Variants in FOXP2 observed in about 807,000 individuals in gnomAD.
FOXP2 encodes the protein forkhead box P2, also known as forkhead box protein P2.
FOXP2 carries 12 observed loss-of-function variants against 115.8 expected under a neutral mutation model. The ratio of observed to expected loss-of-function variants is 0.10; its 90% CI spans 0.07 to 0.17. FOXP2 has a LOEUF of 0.17. FOXP2 is among the 10% of genes least tolerant of loss of function. The pLI, the probability that FOXP2 is intolerant of heterozygous loss-of-function variation, is 1.00. For missense variants in FOXP2, 629 were observed against 843.5 expected (o/e 0.75, Z 3.15); for synonymous variants, 328 against 297.7 (o/e 1.10, Z -1.05).
At chr7:114,149,352 A>G (rs894180801) in intron 1 of FOXP2, among the ~76,000 whole-genome samples, 1 of 152,098 alleles carries the variant, frequency 6.6e-6, no homozygotes, top group Admixed American at 6.6e-5. Context: ...ATTATAAATA[A>G]TTGCCCAATA....
At chr7:114,567,858 G>A (rs1043504780) in intron 3 of FOXP2, among the ~76,000 whole-genome samples, 2 of 151,962 alleles carry the variant, frequency 1.3e-5, no homozygotes, top group African/African-American at 2.4e-5. Flanking sequence ...GAAGAAACTG[G>A]GTGGGGTTTT....
At chr7:114,323,804 T>C (rs889813224) in intron 2 of FOXP2, among the ~76,000 whole-genome samples, 1 of 152,020 alleles carries the variant, frequency 6.6e-6, no homozygotes, top group African/African-American at 2.4e-5. Context: ...TTTTTAGATT[T>C]TGTCTTTAGC....
At chr7:114,465,257 G>A (rs550043748) in intron 2 of FOXP2, among the ~76,000 whole-genome samples, 5 of 152,244 alleles carry the variant, frequency 3.3e-5, no homozygotes, top group South Asian at 2.1e-4. Context: ...GAGCCACAAC[G>A]TCTAGCCTTT....
intron 2 of FOXP2, among the ~76,000 whole-genome samples, chr7:114,401,159 G>T (rs1452051331): frequency 6.6e-6 from 1 of 152,084 alleles, no homozygotes; most frequent in Admixed American, 6.5e-5. Context: ...GGTTTTACAA[G>T]GGCTTGCACA....
At chr7:114,241,240 T>C (rs1279224494) in intron 1 of FOXP2, among the ~76,000 whole-genome samples, 1 of 152,130 alleles carries the variant, frequency 6.6e-6, no homozygotes, top group Admixed American at 6.5e-5. Flanking sequence ...GCTTTCATTC[T>C]AATTTGATAG....
In FOXP2 at chr7:114,156,525, G is replaced by A. The variant is rs1037514604; in HGVS notation, c.-246-6419G>A. Among the ~76,000 whole-genome samples the A allele has an allele frequency of 9.9e-5, 15 of 151,964 alleles. No homozygotes were observed. In the East Asian group the frequency reaches 1.2e-3, roughly 12 times the overall value. ...AAATCTTTGAATCCACCTATGACCG[G>A]GAGACCCATTCCCACTTTGTGTTGT... On this transcript the variant is annotated intron_variant, in intron 1 of 19. Coordinates refer to the FOXP2 transcript ENST00000635638.
At chr7:114,234,290 G>A (rs1794955954) in intron 1 of FOXP2, among the ~76,000 whole-genome samples, 1 of 152,172 alleles carries the variant, frequency 6.6e-6, no homozygotes, top group Non-Finnish European at 1.5e-5. Context: ...GCATCTACCA[G>A]CAGGGTTAAG....
At chr7:114,146,365 A>C (rs978624751) in intron 1 of FOXP2, among the ~76,000 whole-genome samples, 4 of 152,214 alleles carry the variant, frequency 2.6e-5, no homozygotes, top group Non-Finnish European at 5.9e-5. Flanking sequence ...TTCGCTAGTA[A>C]GGTTCTAAAC....
intron 2 of FOXP2, 145 bp from the exon 3 acceptor site, chr7:114,534,472 A>G (rs767311102): frequency 5.5e-6 from 4 of 721,840 alleles, no homozygotes. Context: ...AATTTTTTTC[A>G]TATTAGAAGA....
chr7:114,315,163 C>T (rs1045122845), intron 2 of FOXP2, among the ~76,000 whole-genome samples: 13 of 152,088 alleles, frequency 8.5e-5, no homozygotes, highest in Admixed American at 3.9e-4. Flanking sequence ...GTTTACATTT[C>T]CTCTCTGGGA....
chr7:114,550,031 G>A (rs1239347124), intron 3 of FOXP2, among the ~76,000 whole-genome samples: 1 of 151,798 alleles, frequency 6.6e-6, no homozygotes, highest in Non-Finnish European at 1.5e-5. Flanking sequence ...TAATACCAAG[G>A]CAGGTATATG....
chr7:114,221,902 C>T (rs1159131226), intron 1 of FOXP2, among the ~76,000 whole-genome samples: 3 of 151,348 alleles, frequency 2.0e-5, no homozygotes, highest in Non-Finnish European at 4.4e-5. Context: ...TGCTCTTCTC[C>T]TAAGCCCTCC....
intron 2 of FOXP2, among the ~76,000 whole-genome samples, chr7:114,305,911 A>G (rs981739017): frequency 7.2e-5 from 11 of 152,074 alleles, no homozygotes; most frequent in Non-Finnish European, 1.5e-4. Context: ...TTGGGCCCTT[A>G]TAAGTGGGTC....
intron 2 of FOXP2, among the ~76,000 whole-genome samples, chr7:114,305,590 A>G (rs1030556754): frequency 1.3e-5 from 2 of 152,174 alleles, no homozygotes; most frequent in African/African-American, 4.8e-5. Context: ...CCATTATTTT[A>G]TATTCCATCC....
chr7:114,664,504 T>G (rs1185969035), intron 16 of FOXP2, 68 bp downstream of exon 16: 10 of 1,578,470 alleles, frequency 6.3e-6, no homozygotes, highest in South Asian at 3.4e-5. Context: ...ATTTAGAATT[T>G]TTCCGAAGTT....
intron 2 of FOXP2, among the ~76,000 whole-genome samples, chr7:114,323,292 A>G (rs188069891): frequency 1.3e-5 from 2 of 152,250 alleles, no homozygotes. Context: ...TATCTGCCCC[A>G]GACTAAAATC....
chr7:114,299,778 G>A (rs1339160664), intron 2 of FOXP2, among the ~76,000 whole-genome samples: 1 of 151,938 alleles, frequency 6.6e-6, no homozygotes, highest in Non-Finnish European at 1.5e-5. Context: ...GGTGGGTTTA[G>A]GGAAGAGGAT....
At chr7:114,257,038 C>A (rs1795631852) in intron 1 of FOXP2, among the ~76,000 whole-genome samples, 1 of 152,164 alleles carries the variant, frequency 6.6e-6, no homozygotes, top group African/African-American at 2.4e-5. Flanking sequence ...TGCCTGACTT[C>A]AAAGTTTACT....
At chr7:114,192,681 CACAT>C (rs892675246) in intron 1 of FOXP2, among the ~76,000 whole-genome samples, 94 of 152,306 alleles carry the variant, frequency 6.2e-4, no homozygotes, top group African/African-American at 2.2e-3. Flanking sequence ...ACTGTTTAAA[CACAT>C]ACAGTTTCAC....
Sources: allele counts gnomAD v4.1 joint callset (sites outside exome capture counted in the v4.1 genomes callset), GRCh38; gene constraint gnomAD v4.1.1; transcripts MANE v1.5; gene names NCBI Gene and HGNC (gene_info 2026-07-23, HGNC 2026-07-21).